The following NMNAT2 variants were observed in gnomAD, a reference collection of about 807,000 sequenced individuals.
NMNAT2 encodes nicotinamide nucleotide adenylyltransferase 2, also known as nicotinamide/nicotinic acid mononucleotide adenylyltransferase 2.
Under a neutral mutation model 41.6 loss-of-function variants are expected in NMNAT2, and 11 were observed. The ratio of observed to expected loss-of-function variants is 0.26; its 90% CI spans 0.17 to 0.44. NMNAT2 has a LOEUF of 0.44. NMNAT2 is among the 20% of genes least tolerant of loss of function. The probability of loss-of-function intolerance (pLI) is 1.00; values close to 1 mark genes in which losing one functional copy is unlikely to be tolerated. For missense variants in NMNAT2, 288 were observed against 407.7 expected (o/e 0.71, Z 2.53); for synonymous variants, 148 against 151.2 (o/e 0.98, Z 0.16).
intron 1 of NMNAT2, among the ~76,000 whole-genome samples, chr1:183,375,446 C>T (rs754627177): frequency 9.9e-5 from 15 of 152,210 alleles, no homozygotes; most frequent in Non-Finnish European, 1.6e-4. Flanking sequence ...GCTTTCCCTC[C>T]CCTATGCCTT....
At chr1:183,253,110 T>G (rs1660433594) in intron 10 of NMNAT2, among the ~76,000 whole-genome samples, 2 of 152,058 alleles carry the variant, frequency 1.3e-5, no homozygotes, top group South Asian at 4.1e-4. Context: ...GGGCATCTAA[T>G]GTATTCACTA....
At chr1:183,276,121 G>C (rs1048614146) in intron 8 of NMNAT2, among the ~76,000 whole-genome samples, 1 of 152,202 alleles carries the variant, frequency 6.6e-6, no homozygotes, top group Non-Finnish European at 1.5e-5. Context: ...AATGGGATAG[G>C]AGAATCCCTC....
chr1:183,380,486 G>T (rs1201081116), intron 1 of NMNAT2, among the ~76,000 whole-genome samples: 1 of 151,936 alleles, frequency 6.6e-6, no homozygotes, highest in Non-Finnish European at 1.5e-5. Flanking sequence ...TCCATATAAA[G>T]GCAATTTTGA....
intron 1 of NMNAT2, among the ~76,000 whole-genome samples, chr1:183,389,708 C>G (rs1648380854): frequency 7.0e-6 from 1 of 143,656 alleles, no homozygotes; most frequent in South Asian, 2.2e-4. Flanking sequence ...TGCACTCCAG[C>G]CTGGGCAACA....
intron 1 of NMNAT2, among the ~76,000 whole-genome samples, chr1:183,299,752 G>A (rs1661799873): frequency 2.6e-5 from 4 of 152,112 alleles, no homozygotes; most frequent in African/African-American, 7.2e-5. Flanking sequence ...CTGTAAAGCT[G>A]TAGCTTGTGG....
intron 2 of NMNAT2, 39 bp from the exon 3 acceptor site, chr1:183,292,896 G>C (rs200400377): frequency 9.4e-6 from 15 of 1,595,454 alleles, no homozygotes; most frequent in Non-Finnish European, 1.3e-5. Context: ...GACTCCCTCC[G>C]TTCCCCACAA....
chr1:183,301,198 C>T (rs1345954648), intron 1 of NMNAT2, among the ~76,000 whole-genome samples: 1 of 152,234 alleles, frequency 6.6e-6, no homozygotes, highest in Non-Finnish European at 1.5e-5. Flanking sequence ...CCAGGCTTTG[C>T]CTGAGATTCA....
intron 1 of NMNAT2, among the ~76,000 whole-genome samples, chr1:183,401,906 A>T (rs967213570): frequency 9.4e-6 from 1 of 106,514 alleles, no homozygotes; most frequent in Admixed American, 1.3e-4. Context: ...CACACATGAC[A>T]TGGGGGCCTG....
chr1:183,363,527 G>A (rs1374967398), intron 1 of NMNAT2, among the ~76,000 whole-genome samples: 1 of 151,650 alleles, frequency 6.6e-6, no homozygotes, highest in African/African-American at 2.4e-5. Flanking sequence ...CCCCCAATTG[G>A]AAGAGGTCAG....
At chr1:183,341,288 T>C (rs1252726109) in intron 1 of NMNAT2, among the ~76,000 whole-genome samples, 1 of 152,134 alleles carries the variant, frequency 6.6e-6, no homozygotes, top group Non-Finnish European at 1.5e-5. Context: ...GCTCCCATTC[T>C]GAAATGGCAA....
At chr1:183,355,896 C>A (rs1663174190) in intron 1 of NMNAT2, among the ~76,000 whole-genome samples, 1 of 152,196 alleles carries the variant, frequency 6.6e-6, no homozygotes, top group Admixed American at 6.5e-5. Context: ...TCCTCTTAAC[C>A]TTTCCTTCCT....
At chr1:183,359,258 A>G (rs1346070965) in intron 1 of NMNAT2, among the ~76,000 whole-genome samples, 2 of 152,192 alleles carry the variant, frequency 1.3e-5, no homozygotes, top group African/African-American at 4.8e-5. Context: ...TTACCAACAG[A>G]TTATGTTAGT....
intron 1 of NMNAT2, among the ~76,000 whole-genome samples, chr1:183,411,531 T>C (rs1167147386): frequency 6.6e-6 from 1 of 152,090 alleles, no homozygotes; most frequent in Non-Finnish European, 1.5e-5. Context: ...CTGAAACTCC[T>C]GACCTCAAGT....
intron 1 of NMNAT2, among the ~76,000 whole-genome samples, chr1:183,308,085 G>T (rs1263056185): frequency 2.0e-5 from 3 of 152,192 alleles, no homozygotes; most frequent in African/African-American, 7.2e-5. Flanking sequence ...GACAGAGGAA[G>T]TTTCTGCTGC....
chr1:183,364,917 T>A (rs904492833), intron 1 of NMNAT2, among the ~76,000 whole-genome samples: 1 of 152,128 alleles, frequency 6.6e-6, no homozygotes, highest in South Asian at 2.1e-4. Flanking sequence ...GGTCTTGAAC[T>A]GCTAACCTCG....
intron 1 of NMNAT2, among the ~76,000 whole-genome samples, chr1:183,385,278 C>T (rs1001651824): frequency 7.9e-5 from 12 of 152,046 alleles, no homozygotes; most frequent in Non-Finnish European, 4.4e-5. Flanking sequence ...TATACGTGTG[C>T]CTGCCTGTTT....
intron 1 of NMNAT2, among the ~76,000 whole-genome samples, chr1:183,355,426 C>T (rs1003940455): frequency 1.3e-5 from 2 of 152,102 alleles, no homozygotes; most frequent in Admixed American, 6.5e-5. Context: ...AATCAGAGAC[C>T]GAGGGTGGGA....
rs566136998 is a variant in NMNAT2, at chr1:183,362,228, T to C, written c.85+55955A>G. Among the ~76,000 whole-genome samples the C allele has an allele frequency of 4.1e-4, 62 of 152,288 alleles. 2 individuals are homozygous for C. The East Asian group carries it at 0.01, about 26-fold the overall frequency. ...TGCTAGGATTACGGGCATGAGCCAC[T>C]ACACCCAGCCTCTATAAGAACTTTA... On this transcript the variant is annotated intron_variant, in intron 1 of 10. Coordinates refer to ENST00000287713, the MANE Select transcript of NMNAT2 (RefSeq NM_015039.4).
chr1:183,365,917 C>A (rs539393872), intron 1 of NMNAT2, among the ~76,000 whole-genome samples: 2 of 152,268 alleles, frequency 1.3e-5, no homozygotes, highest in South Asian at 4.1e-4. Context: ...GCAGATAAAC[C>A]ACCCCTGACT....
Sources: allele counts gnomAD v4.1 joint callset (sites outside exome capture counted in the v4.1 genomes callset), GRCh38; gene constraint gnomAD v4.1.1; transcripts MANE v1.5; gene names NCBI Gene and HGNC (gene_info 2026-07-23, HGNC 2026-07-21).